The following CSMD1 variants were observed in gnomAD, a reference collection of about 807,000 sequenced individuals.
The protein encoded by CSMD1 is CUB and Sushi multiple domains 1, also known as CUB and sushi domain-containing protein 1.
CSMD1 carries 213 observed loss-of-function variants against 417.5 expected under a neutral mutation model. That is an observed-to-expected ratio of 0.51 (90% CI 0.46 to 0.57). The LOEUF (loss-of-function observed/expected upper bound fraction) is 0.57. Among genes scored for constraint, CSMD1 ranks in the 20% least tolerant of loss-of-function variants. CSMD1 has a pLI of 0.00. For synonymous variants in CSMD1, 2,862 were observed against 1,736.8 expected (o/e 1.65, Z -16.11); for missense variants, 6,923 against 4,529.7 (o/e 1.53, Z -15.17).
intron 1 of CSMD1, among the ~76,000 whole-genome samples, chr8:4,882,055 G>C (rs901706461): frequency 1.3e-5 from 2 of 151,954 alleles, no homozygotes; most frequent in Non-Finnish European, 2.9e-5. Context: ...CTGAATTTCT[G>C]TTTTCTTATT....
chr8:3,634,793 A>G (rs771935473), intron 7 of CSMD1, among the ~76,000 whole-genome samples: 3 of 152,136 alleles, frequency 2.0e-5, no homozygotes, highest in Non-Finnish European at 4.4e-5. Context: ...GCCATGCATC[A>G]TGTGTCCTGA....
chr8:3,089,158 T>C (rs980143241), intron 48 of CSMD1, among the ~76,000 whole-genome samples: 2 of 152,134 alleles, frequency 1.3e-5, no homozygotes, highest in Admixed American at 1.3e-4. Context: ...GGAAGAGGAA[T>C]TCAGAGGAGC....
chr8:4,825,718 C>G (rs895577691), intron 1 of CSMD1, among the ~76,000 whole-genome samples: 1 of 134,150 alleles, frequency 7.5e-6, no homozygotes, highest in African/African-American at 2.5e-5. Context: ...ATTTGCAAAC[C>G]ATTTATCTGG....
intron 1 of CSMD1, among the ~76,000 whole-genome samples, chr8:4,660,791 C>T (rs1804543984): frequency 6.6e-6 from 1 of 151,886 alleles, no homozygotes; most frequent in South Asian, 2.1e-4. Flanking sequence ...AGCCAACAAT[C>T]CAATTAGAAA....
chr8:4,783,709 T>A (rs924915057), intron 1 of CSMD1, among the ~76,000 whole-genome samples: 2 of 152,158 alleles, frequency 1.3e-5, no homozygotes, highest in African/African-American at 4.8e-5. Context: ...CAATTATTCA[T>A]CCTCCAAACT....
At chr8:4,339,373 T>C (rs528039190) in intron 3 of CSMD1, among the ~76,000 whole-genome samples, 162 of 152,236 alleles carry the variant, frequency 1.1e-3, no homozygotes, top group African/African-American at 3.7e-3. Context: ...TGAATCTATT[T>C]TTTATCTTGT....
intron 23 of CSMD1, among the ~76,000 whole-genome samples, chr8:3,321,991 G>A (rs940483715): frequency 6.6e-5 from 10 of 152,174 alleles, no homozygotes; most frequent in African/African-American, 2.4e-4. Flanking sequence ...TCTGAAGAGG[G>A]AATTCCATCA....
intron 1 of CSMD1, among the ~76,000 whole-genome samples, chr8:4,687,527 C>T (rs1806470262): frequency 6.6e-6 from 1 of 152,084 alleles, no homozygotes; most frequent in African/African-American, 2.4e-5. Flanking sequence ...GGGAAGGTTT[C>T]TTGGTTTATT....
chr8:3,827,696 G>T (rs1008427308), intron 5 of CSMD1, among the ~76,000 whole-genome samples: 2 of 152,182 alleles, frequency 1.3e-5, no homozygotes, highest in African/African-American at 2.4e-5. Flanking sequence ...TGACTTCATT[G>T]TGAGTTTTGT....
At chr8:3,853,084 C>A (rs1472054443) in intron 5 of CSMD1, among the ~76,000 whole-genome samples, 2 of 152,148 alleles carry the variant, frequency 1.3e-5, no homozygotes, top group East Asian at 1.9e-4. Flanking sequence ...CCAATGCCTG[C>A]CACCCTGACC....
chr8:4,687,551 A>C (rs1020369717), intron 1 of CSMD1, among the ~76,000 whole-genome samples: 11 of 152,184 alleles, frequency 7.2e-5, no homozygotes, highest in African/African-American at 2.7e-4. Context: ...GAAATAAGAA[A>C]TTGCAGAAAT....
rs1458574074 is a variant in CSMD1, at chr8:3,671,505, ATATATATG to A, written c.1009+36901_1009+36908del. ...TACTCATATATATGATCATATATAT[ATATATATG>A]ATCATATATATGATCATATATATAT... On this transcript the variant is annotated intron_variant, in intron 7 of 69. Transcript: ENST00000635120. Among the ~76,000 whole-genome samples the A allele has an allele frequency of 1.5e-3, 12 of 8,112 alleles. 2 individuals are homozygous for A. Among genetic ancestry groups the A allele is most frequent in the Admixed American group, 7.8e-3 (3 of 386 alleles). 5.3% of individuals were successfully genotyped at this position (8,112 alleles called of 152,430 possible).
intron 26 of CSMD1, among the ~76,000 whole-genome samples, chr8:3,251,134 T>G (rs1800223179): frequency 6.6e-6 from 1 of 152,148 alleles, no homozygotes; most frequent in Non-Finnish European, 1.5e-5. Context: ...ATGAAGTCCT[T>G]GCCCGTGCCT....
At chr8:3,705,618 G>A (rs1651739470) in intron 7 of CSMD1, among the ~76,000 whole-genome samples, 1 of 152,230 alleles carries the variant, frequency 6.6e-6, no homozygotes, top group Admixed American at 6.5e-5. Flanking sequence ...AGAGGGGGCT[G>A]TGGAACAAGA....
chr8:2,999,390 G>A (rs964638140), intron 53 of CSMD1, among the ~76,000 whole-genome samples: 11 of 152,000 alleles, frequency 7.2e-5, no homozygotes, highest in Non-Finnish European at 1.3e-4. Flanking sequence ...CTGACCTCAG[G>A]TGATCCACCT....
chr8:4,489,257 T>G (rs1468451526), intron 2 of CSMD1, among the ~76,000 whole-genome samples: 1 of 152,204 alleles, frequency 6.6e-6, no homozygotes, highest in African/African-American at 2.4e-5. Flanking sequence ...GCCCTCCTTT[T>G]TCTAAGAATA....
intron 10 of CSMD1, among the ~76,000 whole-genome samples, chr8:3,552,624 C>T (rs117278341): frequency 5.9e-5 from 9 of 152,244 alleles, no homozygotes; most frequent in East Asian, 3.9e-4. Flanking sequence ...TCAAGTGTAA[C>T]GCGTATGCTA....
chr8:3,581,651 C>G (rs191802846), intron 9 of CSMD1, among the ~76,000 whole-genome samples: 7 of 152,274 alleles, frequency 4.6e-5, no homozygotes, highest in Admixed American at 6.5e-5. Flanking sequence ...TACCTTTATG[C>G]TCAGAATGGA....
chr8:3,498,497 T>A (rs2117328305), intron 10 of CSMD1, among the ~76,000 whole-genome samples: 1 of 152,312 alleles, frequency 6.6e-6, no homozygotes, highest in Admixed American at 6.5e-5. Context: ...TGGCATTAGA[T>A]CTGTTTGGTG....
Sources: allele counts gnomAD v4.1 joint callset (sites outside exome capture counted in the v4.1 genomes callset), GRCh38; gene constraint gnomAD v4.1.1; transcripts MANE v1.5; gene names NCBI Gene and HGNC (gene_info 2026-07-23, HGNC 2026-07-21).